The following EML4 variants were observed in gnomAD, a reference collection of about 807,000 sequenced individuals.
EML4 encodes EMAP like 4, also known as echinoderm microtubule-associated protein-like 4.
EML4 carries 72 observed loss-of-function variants against 129.0 expected under a neutral mutation model. That is an observed-to-expected ratio of 0.56 (90% CI 0.46 to 0.68). The LOEUF is 0.68. EML4 is among the 30% of genes least tolerant of loss of function. EML4 has a pLI of 0.00. For missense variants in EML4, 1,363 were observed against 1,190.6 expected (o/e 1.14, Z -2.13); for synonymous variants, 532 against 405.0 (o/e 1.31, Z -3.77).
In EML4 at chr2:42,267,893, C is replaced by A. The variant is rs576323224; in HGVS notation, c.667+3162C>A. On this transcript the variant is annotated intron_variant, in intron 6 of 22. Coordinates refer to ENST00000318522, the MANE Select transcript of EML4 (RefSeq NM_019063.5). ...TGTCAACTTAAAATTTGAATAAGTTCCATGTAGGACTATCTATTGTTAGAG... is the reference window on the plus strand; with the variant it reads ...TGTCAACTTAAAATTTGAATAAGTTACATGTAGGACTATCTATTGTTAGAG... 9.3e-4 allele frequency among the ~76,000 whole-genome samples: 142 copies of A among 152,234 alleles called. 2 individuals are homozygous for A. The Middle Eastern group carries it at 0.014, about 15-fold the overall frequency.
At position 42,261,284 on chromosome 2, in the gene EML4, C is replaced by T. The variant is rs1665717515; in HGVS notation, c.502C>T (p.Pro168Ser). The T allele has an allele frequency of 6.2e-7, 1 of 1,612,752 alleles. No individual in the cohort carries two copies. Among genetic ancestry groups the T allele is most frequent in the Non-Finnish European group, 8.5e-7 (1 of 1,179,382 alleles). Residue 168 changes from proline to serine, a missense_variant, in exon 4 of 23, where the codon CCC becomes TCC. Transcript: ENST00000318522. Reference protein sequence around the residue: ...RQTPESKNATPTKSIKRPSPA... With the variant: ...RQTPESKNATSTKSIKRPSPA... ...AACTCCAGAAAGCAAGAATGCTACT[C>T]CCACCAAAAGGTTTTAACTGTCCCC...
Position 42,316,045 on chromosome 2 carries a change from C to T in EML4, c.2051C>T (p.Ser684Leu), listed in dbSNP as rs758232646. The change falls in exon 18 of 23, where the codon TCA (serine) becomes TTA (leucine). Residue 684 changes from serine (S) to leucine (L), a missense_variant. Transcript: ENST00000318522. ...GNEQLSVMRY[S>L]IDGTFLAVGS... Reference sequence around the variant, plus strand: ...GAACAGCTCTCTGTGATGCGCTACTCAATAGGTAGGCAAATTTACTCCCAC... The same window carrying T: ...GAACAGCTCTCTGTGATGCGCTACTTAATAGGTAGGCAAATTTACTCCCAC... 1 of 1,611,388 alleles carries T rather than the reference C, an allele frequency of 6.2e-7. No individual in the cohort carries two copies. The highest frequency in any genetic ancestry group is 8.5e-7 in the Non-Finnish European group (1 of 1,177,944).
rs1435245136 is a variant in EML4 at position 42,331,717 on chromosome 2, A to G, written c.*1510A>G. On this transcript the variant is annotated 3_prime_UTR_variant, in exon 23 of 23. Coordinates refer to ENST00000318522, the MANE Select transcript of EML4 (RefSeq NM_019063.5). The stretch of plus-strand genomic sequence containing the variant: ...AGGAGTAATACAAATCAGGTATTTC[A>G]TCATCATTTGGTAATATGAAAACTC... The G allele has an allele frequency of 4.5e-6, 1 of 220,532 alleles. No homozygotes were observed. Among genetic ancestry groups the G allele is most frequent in the Non-Finnish European group, 9.1e-6 (1 of 109,862 alleles). The allele number at this position is 220,532 out of a possible 1,614,324, so 13.7% of individuals were successfully genotyped here.
chr2:42,288,457 T>A (rs991130281), intron 11 of EML4, 135 bp downstream of exon 11: 7 of 465,818 alleles, frequency 1.5e-5, no homozygotes, highest in African/African-American at 1.2e-4. Flanking sequence ...TCAGCAAATT[T>A]AGTGATTTGT....
chr2:42,195,579 A>G (rs952058504), intron 1 of EML4, among the ~76,000 whole-genome samples: 1 of 152,204 alleles, frequency 6.6e-6, no homozygotes, highest in Admixed American at 6.5e-5. Flanking sequence ...TTGTGCCAAT[A>G]TATAGACCAT....
intron 6 of EML4, among the ~76,000 whole-genome samples, chr2:42,270,496 C>T (rs933678789): frequency 6.6e-6 from 1 of 152,130 alleles, no homozygotes; most frequent in Admixed American, 6.5e-5. Flanking sequence ...TGCTTTTGTT[C>T]AGAGCCTTGC....
chr2:42,263,765 C>CT, intron 5 of EML4, among the ~76,000 whole-genome samples: 1 of 151,504 alleles, frequency 6.6e-6, no homozygotes, highest in African/African-American at 2.4e-5. Flanking sequence ...GAGTCTCACT[C>CT]TGTTGCCAGG....
In EML4 at chr2:42,303,181, CTT is replaced by C; in HGVS notation, c.1721_1722del (p.Phe574TyrfsTer7). On this transcript the variant is annotated frameshift_variant, in exon 15 of 23. Transcript: ENST00000318522. LOFTEE classifies it high-confidence loss of function. Reference protein sequence around the residue: ...DQFLVGTSRNFILRGTFNDGF... With the variant: ...DQFLVGTSRNXILRGTFNDGF... ...AATTTTTAGTAGGCACATCACGAAA[CTT>C]TATTTTACGAGGAACATTTAATGAT... The C allele has an allele frequency of 1.2e-6, 2 of 1,614,094 alleles. No homozygotes were observed. The highest frequency in any genetic ancestry group is 1.7e-6 in the Non-Finnish European group (2 of 1,180,006).
chr2:42,277,278 C>A (rs1295050765), intron 6 of EML4, among the ~76,000 whole-genome samples: 1 of 152,144 alleles, frequency 6.6e-6, no homozygotes, highest in East Asian at 1.9e-4. Flanking sequence ...AACAAGTTGA[C>A]ACTTAAAAGA....
At chr2:42,308,945 T>C (rs1243620578) in intron 17 of EML4, among the ~76,000 whole-genome samples, 6 of 152,254 alleles carry the variant, frequency 3.9e-5, no homozygotes, top group Admixed American at 2.0e-4. Flanking sequence ...CATTCCATTT[T>C]ATGGATATAC....
chr2:42,290,615 C>G (rs1006028239), intron 11 of EML4, among the ~76,000 whole-genome samples: 5 of 151,506 alleles, frequency 3.3e-5, no homozygotes, highest in Non-Finnish European at 7.4e-5. Flanking sequence ...ATTTGTAGTT[C>G]CAGCTATTTG....
intron 3 of EML4, among the ~76,000 whole-genome samples, chr2:42,260,451 C>G (rs1306440442): frequency 6.6e-6 from 1 of 152,230 alleles, no homozygotes; most frequent in African/African-American, 2.4e-5. Flanking sequence ...CAGGCGTGAG[C>G]CAGTGCGCCC....
chr2:42,322,750 TG>T (rs1434903214), intron 19 of EML4, among the ~76,000 whole-genome samples: 1 of 152,226 alleles, frequency 6.6e-6, no homozygotes, highest in East Asian at 1.9e-4. Flanking sequence ...TTTTCTAAGC[TG>T]TGCATACACT....
At chr2:42,181,435 T>A (rs1330594654) in intron 1 of EML4, among the ~76,000 whole-genome samples, 1 of 151,876 alleles carries the variant, frequency 6.6e-6, no homozygotes, top group African/African-American at 2.4e-5. Flanking sequence ...AGTAGCTGGG[T>A]TTACAGGCAC....
chr2:42,251,436 C>A (rs1192706083), intron 2 of EML4, among the ~76,000 whole-genome samples: 1 of 152,198 alleles, frequency 6.6e-6, no homozygotes, highest in African/African-American at 2.4e-5. Context: ...GAGTCAAATG[C>A]TTCTTTGTCA....
chr2:42,180,188 T>A (rs915461057), intron 1 of EML4, among the ~76,000 whole-genome samples: 1 of 152,176 alleles, frequency 6.6e-6, no homozygotes, highest in South Asian at 2.1e-4. Context: ...TCCAGAAAAT[T>A]CCAGGCAAAC....
intron 1 of EML4, among the ~76,000 whole-genome samples, chr2:42,205,490 G>C (rs1487553977): frequency 3.3e-5 from 5 of 150,160 alleles, no homozygotes; most frequent in African/African-American, 1.2e-4. Context: ...AAATGCCCCT[G>C]CCCTCAGTCA....
intron 1 of EML4, among the ~76,000 whole-genome samples, chr2:42,189,662 A>G (rs1000020817): frequency 6.6e-6 from 1 of 152,214 alleles, no homozygotes; most frequent in Admixed American, 6.5e-5. Context: ...AGACATTAAT[A>G]TCTGTATTTT....
In EML4 at chr2:42,276,370, A is replaced by G. The variant is rs569515832; in HGVS notation, c.668-4480A>G. Among the ~76,000 whole-genome samples the G allele has an allele frequency of 7.9e-5, 12 of 152,188 alleles. No individual in the cohort carries two copies. The South Asian group carries it at 8.3e-4, about 11-fold the overall frequency. On this transcript the variant is annotated intron_variant, in intron 6 of 22. Transcript: ENST00000318522. Reference sequence around the variant, plus strand: ...TGCTGCTCCCTCGCTGAGATGGGGTATGGGGTATTCGAATACAGTGTCCCC... The same window carrying G: ...TGCTGCTCCCTCGCTGAGATGGGGTGTGGGGTATTCGAATACAGTGTCCCC...
Sources: allele counts gnomAD v4.1 joint callset (sites outside exome capture counted in the v4.1 genomes callset), GRCh38; gene constraint gnomAD v4.1.1; transcripts MANE v1.5; gene names NCBI Gene and HGNC (gene_info 2026-07-23, HGNC 2026-07-21).